Variants in CETP observed in about 807,000 individuals in gnomAD.
CETP encodes the protein cholesteryl ester transfer protein, also known as BPI fold containing family F.
A neutral mutation model predicts 66.5 loss-of-function variants in CETP; 56 were observed. That is an observed-to-expected ratio of 0.84 (90% CI 0.68 to 1.05). The LOEUF (loss-of-function observed/expected upper bound fraction) is 1.05, where lower values mean the gene tolerates loss of function less well. CETP is among the 50% of genes least tolerant of loss of function. The pLI is 0.00. For missense variants in CETP, 612 were observed against 609.6 expected, an observed-to-expected ratio of 1.00 and a Z score of -0.04; for synonymous variants, 251 against 245.7, an observed-to-expected ratio of 1.02 and a Z score of -0.20.
At chr16:56,974,647 C>T (rs1274358836) in intron 9 of CETP, among the ~76,000 whole-genome samples, 6 of 152,192 alleles carry the variant, frequency 3.9e-5, no homozygotes, top group Admixed American at 3.9e-4. Flanking sequence ...TTGCACTCAT[C>T]CTGTGAAATA....
intron 7 of CETP, 34 bp from the exon 8 acceptor site, chr16:56,971,958 C>G: frequency 6.3e-7 from 1 of 1,583,824 alleles, no homozygotes. Flanking sequence ...ATTCCCCCAT[C>G]CTGAGGCCCT....
At position 56,982,153 on chromosome 16, in the gene CETP, T is replaced by A. The variant is rs1220936461; in HGVS notation, c.1249-12T>A. On this transcript the variant is annotated splice_polypyrimidine_tract_variant and intron_variant, in intron 13 of 15. Coordinates refer to ENST00000200676, the MANE Select transcript of CETP (RefSeq NM_000078.3). ...CTCCAGGGAGGACTCACCATGGGCATTTGATTGGCAGAGCAGCTCCGAGTC... is the reference window on the plus strand; with the variant it reads ...CTCCAGGGAGGACTCACCATGGGCAATTGATTGGCAGAGCAGCTCCGAGTC... The A allele has an allele frequency of 3.7e-6, 6 of 1,613,858 alleles. No individual in the cohort carries two copies. Among genetic ancestry groups the A allele is most frequent in the Non-Finnish European group, 5.1e-6 (6 of 1,179,910 alleles).
At chr16:56,971,147 G>C in intron 6 of CETP, 45 bp downstream of exon 6, 1 of 1,596,766 alleles carries the variant, frequency 6.3e-7, no homozygotes, top group Non-Finnish European at 8.6e-7. Context: ...GCCATGCCCA[G>C]GAGGCTGGAT....
Position 56,983,246 on chromosome 16 carries a change from C to T in CETP, c.1322-80C>T, listed in dbSNP as rs538343371. The T allele has an allele frequency of 6.2e-6, 7 of 1,121,360 alleles. No individual in the cohort carries two copies. In the African/African-American group the frequency reaches 9.1e-5, roughly 15 times the overall value. The allele number at this position is 1,121,360 out of a possible 1,614,324, so 69.5% of individuals were successfully genotyped here. A position where few individuals can be genotyped will look rare whatever the true frequency, so the allele number is the denominator to read the frequency against. ...TTGGTCCAAAAGGGTCTCAGCATCT[C>T]CCACTACCCAGGGTGGCAGAGCCTC... On this transcript the variant is annotated intron_variant, in intron 14 of 15. Coordinates refer to ENST00000200676, the MANE Select transcript of CETP (RefSeq NM_000078.3).
chr16:56,976,222 G>T (rs1472765026), intron 10 of CETP, among the ~76,000 whole-genome samples: 2 of 151,216 alleles, frequency 1.3e-5, no homozygotes, highest in African/African-American at 4.9e-5. Context: ...CCTGTGTCCT[G>T]ATACCCTCCA....
Position 56,963,306 on chromosome 16 carries a change from G to A in CETP, c.233+182G>A, listed in dbSNP as rs544927894. Among the ~76,000 whole-genome samples, 4 of 152,282 alleles carry A rather than the reference G, an allele frequency of 2.6e-5. No individual in the cohort carries two copies. The East Asian group carries it at 5.8e-4, about 22-fold the overall frequency. On this transcript the variant is annotated intron_variant, in intron 2 of 15. Transcript: ENST00000200676. ...ACCCTCCATCCCCTGGTGCCCTGGG[G>A]GGATTTATTGGAGTGTATCAACCTC... is the stretch of plus-strand genomic sequence containing the variant.
chr16:56,968,840 A>G (rs527387406), intron 2 of CETP, among the ~76,000 whole-genome samples: 14 of 150,964 alleles, frequency 9.3e-5, no homozygotes, highest in South Asian at 8.3e-4. Context: ...TATTTCATTC[A>G]TAGGCACTAA....
intron 10 of CETP, among the ~76,000 whole-genome samples, chr16:56,975,965 C>T (rs1436319915): frequency 1.3e-5 from 2 of 152,224 alleles, no homozygotes; most frequent in Admixed American, 6.5e-5. Context: ...TAACAGAGGA[C>T]GGTCCCTCTT....
At chr16:56,962,241 C>A in intron 1 of CETP, 144 bp downstream of exon 1, 1 of 781,478 alleles carries the variant, frequency 1.3e-6, no homozygotes, top group Non-Finnish European at 2.3e-6. Flanking sequence ...GGGAGATGGG[C>A]TGAGTGGAGC....
At chr16:56,973,551 A>G in intron 9 of CETP, 41 bp downstream of exon 9, 2 of 1,609,474 alleles carry the variant, frequency 1.2e-6, no homozygotes, top group East Asian at 2.2e-5. Context: ...TCCAGATGGC[A>G]TGTGGTATGT....
intron 8 of CETP, 32 bp downstream of exon 8, chr16:56,972,115 A>C (rs373044343): frequency 1.3e-5 from 21 of 1,557,258 alleles, no homozygotes; most frequent in Non-Finnish European, 1.8e-5. Flanking sequence ...GGCAGGGCCC[A>C]GCTTCCCCAG....
intron 9 of CETP, among the ~76,000 whole-genome samples, chr16:56,974,136 G>A (rs158479): frequency 0.47 from 70,828 of 151,842 alleles, 17,278 homozygotes; most frequent in Middle Eastern, 0.59. Flanking sequence ...CTTTAGTTTC[G>A]CTTCTCTTTC....
At position 56,981,192 on chromosome 16, in the gene CETP, A is replaced by T; in HGVS notation, c.1181A>T (p.Lys394Met). ...IVTTVQASYS[K>M]KKLFLSLLDF... ...ACTACCGTCCAGGCCTCCTATTCTA[A>T]GAAAAAGCTCTTCTTAAGCCTCTTG... is the stretch of plus-strand genomic sequence containing the variant. The change falls in exon 12 of 16, where the codon AAG becomes ATG. Residue 394 changes from lysine (K) to methionine (M), a missense_variant. Lys to Met is a moderately conservative substitution (Grantham distance 95). Transcript: ENST00000200676. 2 of 1,613,930 alleles carry T rather than the reference A, an allele frequency of 1.2e-6. No homozygotes were observed. Among genetic ancestry groups the T allele is most frequent in the Non-Finnish European group, 1.7e-6 (2 of 1,179,768 alleles).
rs377469867 is a variant in CETP at position 56,981,662 on chromosome 16, T to C, written c.1230T>C (p.Thr410=). The change falls in exon 13 of 16, where the codon ACT becomes ACC. Residue 410 remains threonine (T), a synonymous_variant. Transcript: ENST00000200676. ...SLLDFQITPK[T]VSNLTESSSE... is the part of the protein sequence containing the mutation. ...TTTATTTCAGGATTACACCAAAGAC[T>C]GTTTCCAACTTGACTGAGGTAGGTA... 4 of 1,614,000 alleles carry C rather than the reference T, an allele frequency of 2.5e-6. 1 individual carries two copies. The South Asian group carries it at 4.4e-5, about 18-fold the overall frequency.
intron 8 of CETP, among the ~76,000 whole-genome samples, chr16:56,972,905 T>C (rs1395171874): frequency 1.3e-5 from 2 of 152,002 alleles, no homozygotes; most frequent in African/African-American, 4.8e-5. Flanking sequence ...ACCCATGGGC[T>C]GGATGATCTA....
chr16:56,969,365 C>T, intron 2 of CETP, 21 bp from the exon 3 acceptor site: 1 of 1,613,218 alleles, frequency 6.2e-7, no homozygotes, highest in Non-Finnish European at 8.5e-7. Context: ...AACATCCTTC[C>T]TCACTTCCAT....
At chr16:56,962,415 T>C (rs752555297) in intron 1 of CETP, 24 of 612,102 alleles carry the variant, frequency 3.9e-5, no homozygotes, top group Non-Finnish European at 7.2e-5. Context: ...GGGGGTTGAG[T>C]CAGGGGGTAA....
rs1394677121 is a variant in CETP at position 56,981,611 on chromosome 16, A to G, written c.1215-36A>G. The G allele has an allele frequency of 8.1e-6, 13 of 1,612,684 alleles. No homozygotes were observed. The East Asian group carries it at 1.6e-4, about 19-fold the overall frequency. On this transcript the variant is annotated intron_variant, in intron 12 of 15. Coordinates refer to ENST00000200676, the MANE Select transcript of CETP (RefSeq NM_000078.3). Reference sequence around the variant, plus strand: ...AGGGGATGTTACAGGAGGGGGCCCAATGGAGGGTCAAATTATCATCGCTTT... The same window carrying G: ...AGGGGATGTTACAGGAGGGGGCCCAGTGGAGGGTCAAATTATCATCGCTTT...
chr16:56,978,344 T>C, intron 11 of CETP, 89 bp downstream of exon 11: 1 of 1,484,370 alleles, frequency 6.7e-7, no homozygotes. Context: ...CTCTGAAGCC[T>C]CCAGATCCTT....
Sources: gnomAD v4.1 joint callset for allele counts (sites outside exome capture counted in the v4.1 genomes callset) on GRCh38, gnomAD v4.1.1 for gene constraint, MANE v1.5 for transcripts, NCBI Gene and HGNC (gene_info 2026-07-23, HGNC 2026-07-21) for gene names.